Variants in WWOX observed in about 807,000 individuals in gnomAD.
WWOX encodes the protein WW domain containing oxidoreductase, also known as WW domain-containing oxidoreductase.
In WWOX, 69 loss-of-function variants were observed where a neutral mutation model predicts 46.2. The ratio of observed to expected loss-of-function variants is 1.49; its 90% CI spans 1.23 to 1.82. The LOEUF is 1.82. Among genes scored for constraint, WWOX ranks in the 40% most tolerant of loss-of-function variants. The probability of loss-of-function intolerance (pLI) is 0.00; values close to 1 mark genes in which losing one functional copy is unlikely to be tolerated. For missense variants in WWOX, 919 were observed against 542.6 expected (o/e 1.69, Z -6.89); for synonymous variants, 359 against 202.6 (o/e 1.77, Z -6.56).
At chr16:78,681,949 G>T (rs139988746) in intron 8 of WWOX, among the ~76,000 whole-genome samples, 2 of 152,280 alleles carry the variant, frequency 1.3e-5, no homozygotes, top group African/African-American at 4.8e-5. Flanking sequence ...TGCTTTTCTA[G>T]CAAGCGCCCA....
chr16:78,748,534 C>T (rs148929661), intron 8 of WWOX, among the ~76,000 whole-genome samples: 105 of 152,286 alleles, frequency 6.9e-4, no homozygotes, highest in Admixed American at 2.2e-3. Context: ...CCCATCTTGG[C>T]AGCAAGCCTG....
intron 8 of WWOX, among the ~76,000 whole-genome samples, chr16:78,613,963 G>T (rs1314896976): frequency 6.6e-6 from 1 of 152,150 alleles, no homozygotes; most frequent in East Asian, 1.9e-4. Flanking sequence ...GTACTGCGAT[G>T]GCTGCTTTCA....
intron 8 of WWOX, among the ~76,000 whole-genome samples, chr16:78,482,034 G>A (rs748490321): frequency 3.6e-4 from 54 of 152,014 alleles, no homozygotes; most frequent in Admixed American, 6.6e-4. Flanking sequence ...TAAGAAATCT[G>A]TTTCTAAAGA....
chr16:78,433,003 T>G (rs1294352802), intron 8 of WWOX, among the ~76,000 whole-genome samples: 1 of 143,884 alleles, frequency 7.0e-6, no homozygotes, highest in South Asian at 2.3e-4. Flanking sequence ...AAAGTCCTTA[T>G]GGAAATGGTG....
chr16:78,595,713 C>G (rs375509111), intron 8 of WWOX, among the ~76,000 whole-genome samples: 3 of 152,164 alleles, frequency 2.0e-5, no homozygotes, highest in African/African-American at 7.2e-5. Context: ...AACCTGCACT[C>G]AGTACATCTA....
chr16:78,202,308 A>G (rs2036256043), intron 5 of WWOX, among the ~76,000 whole-genome samples: 1 of 152,190 alleles, frequency 6.6e-6, no homozygotes, highest in Non-Finnish European at 1.5e-5. Context: ...GAAAGGAAGG[A>G]ATGAAGGGTG....
chr16:78,906,865 C>A (rs558961289), intron 8 of WWOX, among the ~76,000 whole-genome samples: 3 of 152,308 alleles, frequency 2.0e-5, no homozygotes, highest in African/African-American at 7.2e-5. Flanking sequence ...TGTCAAGCTT[C>A]CTAACTCCAT....
intron 8 of WWOX, among the ~76,000 whole-genome samples, chr16:78,497,903 T>G (rs2084956588): frequency 6.6e-6 from 1 of 151,784 alleles, no homozygotes; most frequent in Admixed American, 6.6e-5. Context: ...ATTTGGTATT[T>G]TTAACAAAGC....
chr16:78,326,874 A>T lies in WWOX; in HGVS notation c.517-59986A>T, dbSNP rs752241355. Among the ~76,000 whole-genome samples the T allele has an allele frequency of 2.0e-3, 308 of 152,262 alleles. 2 individuals carry two copies. The highest frequency in any genetic ancestry group is 2.9e-3 in the Non-Finnish European group (198 of 68,020). On this transcript the variant is annotated intron_variant, in intron 5 of 8. Transcript: ENST00000566780. ...CAGTATCTGGGGCTTTTTCGGTTGT[A>T]TTCTATATGAATCTTGAATACTGAA...
chr16:78,680,519 C>T (rs1299702272), intron 8 of WWOX, among the ~76,000 whole-genome samples: 1 of 152,052 alleles, frequency 6.6e-6, no homozygotes, highest in Non-Finnish European at 1.5e-5. Flanking sequence ...GACTCTGTCT[C>T]AAAGGAAAGA....
At chr16:78,443,258 T>G (rs2083485781) in intron 8 of WWOX, among the ~76,000 whole-genome samples, 1 of 150,044 alleles carries the variant, frequency 6.7e-6, no homozygotes, top group Non-Finnish European at 1.5e-5. Flanking sequence ...TGAGCTGACA[T>G]CGCATCACTG....
At position 78,953,301 on chromosome 16, in the gene WWOX, G is replaced by C. The variant is rs190892152; in HGVS notation, c.1057-258307G>C. 3.0e-3 allele frequency among the ~76,000 whole-genome samples: 454 copies of C among 151,596 alleles called. 4 individuals are homozygous for C. The highest frequency in any genetic ancestry group is 0.01 in the African/African-American group (425 of 41,352). ...CCAATAGCTCAGGCACAATTATAGT[G>C]GGGGGTGGGGGGCATGTTTAACCTA... On this transcript the variant is annotated intron_variant, in intron 8 of 8. Transcript: ENST00000566780.
At chr16:78,253,894 A>T (rs1012113523) in intron 5 of WWOX, among the ~76,000 whole-genome samples, 81 of 152,138 alleles carry the variant, frequency 5.3e-4, no homozygotes, top group African/African-American at 1.8e-3. Context: ...TCCCACCTCC[A>T]GCCTCGCATT....
chr16:78,536,683 AGT>A (rs1390521451), intron 8 of WWOX, among the ~76,000 whole-genome samples: 1 of 152,148 alleles, frequency 6.6e-6, no homozygotes, highest in African/African-American at 2.4e-5. Flanking sequence ...AGCCAGCTAA[AGT>A]GTGGTCTCTG....
chr16:78,424,296 T>G lies in WWOX; in HGVS notation c.606-574T>G, dbSNP rs145463232. Among the ~76,000 whole-genome samples the G allele has an allele frequency of 1.6e-3, 236 of 152,094 alleles. 1 individual carries two copies. The highest frequency in any genetic ancestry group is 5.1e-3 in the African/African-American group (213 of 41,486). ...CCACACCTGGCTAATTTTTTTTGTGTTTTGACAGAGATGGGGTTTCACCAT... is the reference window on the plus strand; with the variant it reads ...CCACACCTGGCTAATTTTTTTTGTGGTTTGACAGAGATGGGGTTTCACCAT... On this transcript the variant is annotated intron_variant, in intron 6 of 8. Coordinates refer to ENST00000566780, the MANE Select transcript of WWOX (RefSeq NM_016373.4).
intron 5 of WWOX, among the ~76,000 whole-genome samples, chr16:78,344,373 A>G (rs72794037): frequency 0.22 from 27,005 of 120,354 alleles, 8,651 homozygotes; most frequent in African/African-American, 0.37. Flanking sequence ...GCTTAAATAA[A>G]TAGGCCATAT....
chr16:78,881,872 C>T (rs753411272), intron 8 of WWOX, among the ~76,000 whole-genome samples: 27 of 152,144 alleles, frequency 1.8e-4, no homozygotes, highest in South Asian at 2.1e-4. Context: ...CCTGTAATCC[C>T]AGCACTTTGG....
intron 4 of WWOX, among the ~76,000 whole-genome samples, chr16:78,142,301 AT>A (rs1409045931): frequency 1.3e-5 from 2 of 152,196 alleles, no homozygotes; most frequent in Non-Finnish European, 2.9e-5. Flanking sequence ...CCCACCTATT[AT>A]GTAATGAAAA....
At chr16:78,918,665 C>T (rs924070404) in intron 8 of WWOX, among the ~76,000 whole-genome samples, 6 of 152,180 alleles carry the variant, frequency 3.9e-5, no homozygotes, top group Non-Finnish European at 8.8e-5. Flanking sequence ...TTGAAATCAG[C>T]TCCATCCTGA....
Sources: allele counts gnomAD v4.1 joint callset (sites outside exome capture counted in the v4.1 genomes callset), GRCh38; gene constraint gnomAD v4.1.1; transcripts MANE v1.5; gene names NCBI Gene and HGNC (gene_info 2026-07-23, HGNC 2026-07-21).